GABRG1: variants seen among roughly 807,000 people sequenced by gnomAD.
The protein encoded by GABRG1 is gamma-aminobutyric acid type A receptor subunit gamma1.
In GABRG1, 49 loss-of-function variants were observed where a neutral mutation model predicts 49.8. The ratio of observed to expected loss-of-function variants is 0.98; its 90% CI spans 0.78 to 1.25. The LOEUF (loss-of-function observed/expected upper bound fraction) is 1.25, where lower values mean the gene tolerates loss of function less well. Ranked by LOEUF, GABRG1 falls within the 50% of genes most tolerant of loss-of-function variation. The probability of loss-of-function intolerance (pLI) is 0.00; values close to 1 mark genes in which losing one functional copy is unlikely to be tolerated. For synonymous variants in GABRG1, 232 were observed against 185.1 expected, an observed-to-expected ratio of 1.25 and a Z score of -2.06; for missense variants, 552 against 552.3, an observed-to-expected ratio of 1.00 and a Z score of 0.01.
At chr4:46,100,588 C>A (rs1203419690) in intron 1 of GABRG1, among the ~76,000 whole-genome samples, 6 of 150,698 alleles carry the variant, frequency 4.0e-5, no homozygotes, top group Non-Finnish European at 1.5e-5. Context: ...TTTAGGTTTT[C>A]ATTCACCTCT....
intron 2 of GABRG1, among the ~76,000 whole-genome samples, chr4:46,094,773 T>C (rs1720113564): frequency 6.6e-6 from 1 of 151,950 alleles, no homozygotes; most frequent in South Asian, 2.1e-4. Context: ...ATCCAAAGTA[T>C]CTGAACTTTG....
chr4:46,068,366 A>G (rs1371534166), intron 3 of GABRG1, among the ~76,000 whole-genome samples: 1 of 152,114 alleles, frequency 6.6e-6, no homozygotes, highest in Admixed American at 6.6e-5. Context: ...AGGGCATTAA[A>G]TGTGGCACTT....
chr4:46,118,278 C>A (rs1024139762), intron 1 of GABRG1, among the ~76,000 whole-genome samples: 4 of 149,348 alleles, frequency 2.7e-5, no homozygotes, highest in African/African-American at 7.4e-5. Flanking sequence ...ATCTATCTAT[C>A]TACCTACCTA....
intron 7 of GABRG1, among the ~76,000 whole-genome samples, chr4:46,052,679 A>T (rs1718275724): frequency 6.6e-6 from 1 of 151,938 alleles, no homozygotes; most frequent in African/African-American, 2.4e-5. Context: ...TTCCCAGTAA[A>T]TATGGCCCCA....
chr4:46,115,983 T>G (rs1269053485), intron 1 of GABRG1, among the ~76,000 whole-genome samples: 1 of 150,848 alleles, frequency 6.6e-6, no homozygotes, highest in Non-Finnish European at 1.5e-5. Context: ...CTTAATGCCT[T>G]TGGTTATAGA....
At chr4:46,122,067 C>T (rs569164381) in intron 1 of GABRG1, among the ~76,000 whole-genome samples, 26 of 152,046 alleles carry the variant, frequency 1.7e-4, no homozygotes, top group Middle Eastern at 6.8e-3. Context: ...CATAGATGAA[C>T]CTGTGTTCAG....
intron 7 of GABRG1, 151 bp downstream of exon 7, chr4:46,058,066 T>G (rs1262509338): frequency 1.1e-5 from 6 of 531,910 alleles, no homozygotes; most frequent in Non-Finnish European, 1.9e-5. Flanking sequence ...CATATCTCTT[T>G]CAACATGGTA....
chr4:46,078,530 T>C (rs1425837863), intron 3 of GABRG1, among the ~76,000 whole-genome samples: 1 of 151,900 alleles, frequency 6.6e-6, no homozygotes, highest in Non-Finnish European at 1.5e-5. Context: ...GATCAGCCTA[T>C]GGAATGCCGG....
At chr4:46,121,848 A>T (rs1306229174) in intron 1 of GABRG1, among the ~76,000 whole-genome samples, 1 of 152,092 alleles carries the variant, frequency 6.6e-6, no homozygotes, top group Non-Finnish European at 1.5e-5. Flanking sequence ...CTATGACAAT[A>T]AAAATTATGT....
intron 3 of GABRG1, among the ~76,000 whole-genome samples, chr4:46,079,464 T>A (rs768397629): frequency 6.6e-6 from 1 of 151,920 alleles, no homozygotes; most frequent in Non-Finnish European, 1.5e-5. Flanking sequence ...ATATCACTTT[T>A]GCGATTGGAA....
chr4:46,064,223 G>T (rs888396636), intron 5 of GABRG1, among the ~76,000 whole-genome samples: 7 of 151,952 alleles, frequency 4.6e-5, no homozygotes, highest in African/African-American at 1.7e-4. Context: ...AAGTTATAAA[G>T]AATGTTTTAA....
intron 8 of GABRG1, among the ~76,000 whole-genome samples, chr4:46,048,196 A>G (rs1482615097): frequency 1.3e-5 from 2 of 152,066 alleles, no homozygotes; most frequent in Non-Finnish European, 2.9e-5. Flanking sequence ...CCATAGTTCA[A>G]CATATTTAAC....
intron 1 of GABRG1, among the ~76,000 whole-genome samples, chr4:46,102,001 ATGTACACAT>A (rs1343611852): frequency 6.6e-6 from 1 of 151,702 alleles, no homozygotes; most frequent in African/African-American, 2.4e-5. Flanking sequence ...TGAAATCTTC[ATGTACACAT>A]TGTATAATGT....
At position 46,050,318 on chromosome 4, in the gene GABRG1, C is replaced by T. The variant is rs2109396703; in HGVS notation, c.1131+1106G>A. Among the ~76,000 whole-genome samples the T allele has an allele frequency of 3.3e-5, 5 of 151,788 alleles. No homozygotes were observed. In the Middle Eastern group the frequency reaches 0.014, roughly 416 times the overall value. Reference sequence around the variant, plus strand: ...TGTGGGTATCTGAAAGCAAAATACACCAGGTTTTTCTCTTGGAATATAACA... The same window carrying T: ...TGTGGGTATCTGAAAGCAAAATACATCAGGTTTTTCTCTTGGAATATAACA... On this transcript the variant is annotated intron_variant, in intron 8 of 8. Coordinates refer to ENST00000295452, the MANE Select transcript of GABRG1 (RefSeq NM_173536.4).
intron 1 of GABRG1, among the ~76,000 whole-genome samples, chr4:46,105,050 C>G (rs1720489200): frequency 6.6e-6 from 1 of 151,376 alleles, no homozygotes; most frequent in African/African-American, 2.4e-5. Flanking sequence ...CGCTATCCTT[C>G]CTTTTTCAGA....
Position 46,039,005 on chromosome 4 carries a change from C to T in GABRG1, c.*1983G>A, listed in dbSNP as rs1171551234. On this transcript the variant is annotated 3_prime_UTR_variant, in exon 9 of 9. Transcript: ENST00000295452. ...TAAAATACAGTCATGCTCAGATACA[C>T]TTGAAAGAGTCCCAAAATCAAAACT... The T allele has an allele frequency of 1.3e-5, 2 of 151,634 alleles. No homozygotes were observed. The highest frequency in any genetic ancestry group is 4.8e-5 in the African/African-American group (2 of 41,388). The allele number at this position is 151,634 out of a possible 1,614,324, so 9.4% of individuals were successfully genotyped here. A position where few individuals can be genotyped will look rare whatever the true frequency, so the allele number is the denominator to read the frequency against.
intron 5 of GABRG1, among the ~76,000 whole-genome samples, chr4:46,063,372 A>G (rs1184204955): frequency 1.3e-5 from 2 of 152,098 alleles, no homozygotes; most frequent in African/African-American, 4.8e-5. Flanking sequence ...CCACATATCT[A>G]CAACTATCTG....
At chr4:46,048,105 C>CA in intron 8 of GABRG1, among the ~76,000 whole-genome samples, 2 of 152,100 alleles carry the variant, frequency 1.3e-5, no homozygotes, top group Middle Eastern at 3.4e-3. Flanking sequence ...AACTACTCTT[C>CA]AATTGGCAAA....
intron 3 of GABRG1, among the ~76,000 whole-genome samples, chr4:46,067,886 C>G (rs1198723308): frequency 1.3e-5 from 2 of 151,930 alleles, no homozygotes; most frequent in African/African-American, 2.4e-5. Flanking sequence ...TCCAAGAGAC[C>G]CTTATACACA....
Sources: gnomAD v4.1 joint callset for allele counts (sites outside exome capture counted in the v4.1 genomes callset) on GRCh38, gnomAD v4.1.1 for gene constraint, MANE v1.5 for transcripts, NCBI Gene and HGNC (gene_info 2026-07-23, HGNC 2026-07-21) for gene names.